SRF: variants seen among roughly 807,000 people sequenced by gnomAD.
SRF encodes the protein c-fos serum response element-binding transcription factor.
In SRF, 7 loss-of-function variants were observed where a neutral mutation model predicts 37.1. That is an observed-to-expected ratio of 0.19 (90% CI 0.11 to 0.35). SRF has a LOEUF of 0.35. Among genes scored for constraint, SRF ranks in the 10% least tolerant of loss-of-function variants. The pLI is 1.00. For missense variants in SRF, 395 were observed against 694.4 expected, an observed-to-expected ratio of 0.57 and a Z score of 4.85; for synonymous variants, 285 against 310.1, an observed-to-expected ratio of 0.92 and a Z score of 0.85.
rs1358015862 is a variant in SRF at position 43,172,193 on chromosome 6, G to A, written c.513+24G>A. On this transcript the variant is annotated intron_variant, in intron 1 of 6. Coordinates refer to ENST00000265354, the MANE Select transcript of SRF (RefSeq NM_003131.4). The surrounding 1 kb of genome is among the most constrained non-coding windows in gnomAD (Gnocchi z 5.7). The stretch of plus-strand genomic sequence containing the variant: ...AGGTACCAAGCCGGGGGGCTGGCCG[G>A]CCCCGGGGCCCGGTTGGGGTGGGGA... 1 of 1,599,604 alleles carries A rather than the reference G, an allele frequency of 6.3e-7. No individual in the cohort carries two copies. The highest frequency in any genetic ancestry group is 1.7e-5 in the Admixed American group (1 of 58,298).
At chr6:43,175,629 G>A in intron 2 of SRF, 77 bp from the exon 3 acceptor site, 2 of 1,585,434 alleles carry the variant, frequency 1.3e-6, no homozygotes, top group Non-Finnish European at 1.7e-6. Flanking sequence ...TTCAGTCTGG[G>A]TTCTCAGTCC....
rs1400091799 is a variant in SRF at position 43,173,180 on chromosome 6, A to T, written c.514-667A>T. On this transcript the variant is annotated intron_variant, in intron 1 of 6. Transcript: ENST00000265354. This position sits in a 1 kb window ranked among gnomAD's most constrained non-coding sequence, Gnocchi z 4.2. ...GCTCATGGCAGGATGTTTAGTGCTAATCTAGGTCTCGTCTCCCATCACTCC... is the reference window on the plus strand; with the variant it reads ...GCTCATGGCAGGATGTTTAGTGCTATTCTAGGTCTCGTCTCCCATCACTCC... 1.3e-5 allele frequency among the ~76,000 whole-genome samples: 2 copies of T among 152,122 alleles called. No homozygotes were observed. Among genetic ancestry groups the T allele is most frequent in the African/African-American group, 4.8e-5 (2 of 41,418 alleles).
In SRF at chr6:43,179,682, T is replaced by TG. The variant is rs1161346711; in HGVS notation, c.*497dup. ...CCCCTCAGGGGGCCAGCTGGGGAGATGGGGGCTTCTTCCTCACACTGCTGT... is the reference window on the plus strand; with the variant it reads ...CCCCTCAGGGGGCCAGCTGGGGAGATGGGGGGCTTCTTCCTCACACTGCTGT... On this transcript the variant is annotated 3_prime_UTR_variant, in exon 7 of 7. Coordinates refer to ENST00000265354, the MANE Select transcript of SRF (RefSeq NM_003131.4). This position sits in a 1 kb window ranked among gnomAD's most constrained non-coding sequence, Gnocchi z 5.3. The TG allele has an allele frequency of 5.6e-6, 1 of 179,988 alleles. No homozygotes were observed. The highest frequency in any genetic ancestry group is 1.4e-4 in the East Asian group (1 of 6,982). The allele number at this position is 179,988 out of a possible 1,614,324, so 11.1% of individuals were successfully genotyped here.
Position 43,174,086 on chromosome 6 carries a change from G to T in SRF, c.753G>T (p.Ser251=). The T allele has an allele frequency of 6.2e-7, 1 of 1,614,184 alleles. No individual in the cohort carries two copies. Among genetic ancestry groups the T allele is most frequent in the Admixed American group, 1.7e-5 (1 of 60,026 alleles). The change falls in exon 2 of 7, where the codon TCG becomes TCT. Residue 251 remains serine (S), a synonymous_variant. Coordinates refer to ENST00000265354, the MANE Select transcript of SRF (RefSeq NM_003131.4). The part of the protein sequence containing the change: ...FEETDLTYQV[S]ESDSSGETKD... ...AGACAGATCTCACCTACCAGGTGTC[G>T]GAGTCTGACAGCAGTGGGGAGACCA... is the stretch of plus-strand genomic sequence containing the variant.
At chr6:43,174,597 T>C (rs1479480352) in intron 2 of SRF, among the ~76,000 whole-genome samples, 1 of 152,204 alleles carries the variant, frequency 6.6e-6, no homozygotes, top group Non-Finnish European at 1.5e-5. Flanking sequence ...AGGGAGCGCA[T>C]TTGCCTGCTG....
chr6:43,177,390 T>C (rs1184888782), intron 4 of SRF, among the ~76,000 whole-genome samples: 1 of 151,406 alleles, frequency 6.6e-6, no homozygotes, highest in East Asian at 2.0e-4. Flanking sequence ...CCACCACACC[T>C]GGCTAATTTT....
rs762266039 is a variant in SRF at position 43,175,838 on chromosome 6, C to G, written c.913C>G (p.Pro305Ala). The change falls in exon 3 of 7, where the codon CCA becomes GCA. Residue 305 changes from proline (P) to alanine (A), a missense_variant. Around this residue, in one of 4 missense-constraint regions of SRF, gnomAD observed 232 missense variants for 335.6 expected, o/e 0.69. Coordinates refer to ENST00000265354, the MANE Select transcript of SRF (RefSeq NM_003131.4). ...PSFPITNYLAPVSASVSPSAV... is the reference protein window; with the variant it reads ...PSFPITNYLAAVSASVSPSAV... The stretch of plus-strand genomic sequence containing the variant: ...CTTTCCCATCACCAACTACCTGGCA[C>G]CAGTGTCTGCTAGTGTCAGCCCCAG... 2.5e-6 allele frequency: 4 copies of G among 1,614,226 alleles called. No homozygotes were observed. In the South Asian group the frequency reaches 4.4e-5, roughly 18 times the overall value.
chr6:43,178,732 A>T lies in SRF; in HGVS notation c.1355-74A>T, dbSNP rs1582257282. 6.6e-7 allele frequency: 1 copy of T among 1,516,334 alleles called. No individual in the cohort carries two copies. The highest frequency in any genetic ancestry group is 2.3e-5 in the East Asian group (1 of 44,310). The allele number at this position is 1,516,334 out of a possible 1,614,324, so 93.9% of individuals were successfully genotyped here. On this transcript the variant is annotated intron_variant, in intron 5 of 6. Coordinates refer to ENST00000265354, the MANE Select transcript of SRF (RefSeq NM_003131.4). The surrounding 1 kb of genome is among the most constrained non-coding windows in gnomAD (Gnocchi z 4.3). ...CTGAGACTGCCCCAGTCACTTGTGC[A>T]TTTGACACCACTCCTCCAATATCTG...
chr6:43,172,043 C>G lies in SRF; in HGVS notation c.387C>G (p.Gly129=). 1 of 1,602,872 alleles carries G rather than the reference C, an allele frequency of 6.2e-7. No homozygotes were observed. The highest frequency in any genetic ancestry group is 8.5e-7 in the Non-Finnish European group (1 of 1,175,634). Reference sequence around the variant, plus strand: ...CCGGGGGCTACGGGCCGGTGAGCGGCGCGGTGAGCGGGGCCAAGCCGGGTA... The same window carrying G: ...CCGGGGGCTACGGGCCGGTGAGCGGGGCGGTGAGCGGGGCCAAGCCGGGTA... ...AATGGYGPVS[G]AVSGAKPGKK... is the part of the protein sequence containing the mutation. Residue 129 remains glycine, a synonymous_variant, in exon 1 of 7, where the codon GGC becomes GGG. Transcript: ENST00000265354. The surrounding 1 kb of genome is among the most constrained non-coding windows in gnomAD (Gnocchi z 5.7).
At chr6:43,175,555 A>G in intron 2 of SRF, 151 bp from the exon 3 acceptor site, 2 of 992,950 alleles carry the variant, frequency 2.0e-6, no homozygotes, top group Non-Finnish European at 3.0e-6. Context: ...TAGATCAATA[A>G]CTTACCTAAG....
rs894803627 is a variant in SRF at position 43,171,404 on chromosome 6, C to T, written c.-253C>T. On this transcript the variant is annotated 5_prime_UTR_variant, in exon 1 of 7. Coordinates refer to ENST00000265354, the MANE Select transcript of SRF (RefSeq NM_003131.4). The surrounding 1 kb of genome is among the most constrained non-coding windows in gnomAD (Gnocchi z 6.5). The stretch of plus-strand genomic sequence containing the variant: ...CCCCCGGGGGACGCTGACGGCCGCC[C>T]GGCGCGCCGCCCTAGCAGACGGACA... The T allele has an allele frequency of 1.6e-5, 4 of 252,156 alleles. No individual in the cohort carries two copies. The highest frequency in any genetic ancestry group is 2.9e-5 in the Non-Finnish European group (4 of 137,376). 15.6% of individuals were successfully genotyped at this position (252,156 alleles called of 1,614,324 possible).
Position 43,179,977 on chromosome 6 carries a change from T to G in SRF, c.*787T>G, listed in dbSNP as rs1356629535. ...TATTTAACTTTTTTTTATGGCGTTT[T>G]TCTCGTCCCCCTCCCTGCCCAAACT... On this transcript the variant is annotated 3_prime_UTR_variant, in exon 7 of 7. Coordinates refer to ENST00000265354, the MANE Select transcript of SRF (RefSeq NM_003131.4). This position sits in a 1 kb window ranked among gnomAD's most constrained non-coding sequence, Gnocchi z 5.3. 6.6e-6 allele frequency: 1 copy of G among 152,148 alleles called. No individual in the cohort carries two copies. The highest frequency in any genetic ancestry group is 1.5e-5 in the Non-Finnish European group (1 of 68,022). The allele number at this position is 152,148 out of a possible 1,614,324, so 9.4% of individuals were successfully genotyped here.
At position 43,179,214 on chromosome 6, in the gene SRF, G is replaced by A; in HGVS notation, c.*24G>A. The A allele has an allele frequency of 1.2e-6, 2 of 1,612,336 alleles. No individual in the cohort carries two copies. The highest frequency in any genetic ancestry group is 1.7e-6 in the Non-Finnish European group (2 of 1,178,432). On this transcript the variant is annotated 3_prime_UTR_variant, in exon 7 of 7. Coordinates refer to ENST00000265354, the MANE Select transcript of SRF (RefSeq NM_003131.4). The surrounding 1 kb of genome is among the most constrained non-coding windows in gnomAD (Gnocchi z 5.3). Reference sequence around the variant, plus strand: ...GATCCGCCCGCCGCCCTGGACAGATGGCCCAAGGGATGGCACCACTTATTT... The same window carrying A: ...GATCCGCCCGCCGCCCTGGACAGATAGCCCAAGGGATGGCACCACTTATTT...
chr6:43,176,683 C>G lies in SRF; in HGVS notation c.1162+16C>G. ...AGCGGGACAGGTATAGCTCGCAGCC[C>G]TGTCACCCTCCCTCCCTGCCTTCCC... is the stretch of plus-strand genomic sequence containing the variant. On this transcript the variant is annotated intron_variant, in intron 4 of 6. Transcript: ENST00000265354. The surrounding 1 kb of genome is among the most constrained non-coding windows in gnomAD (Gnocchi z 4.0). The G allele has an allele frequency of 4.3e-6, 7 of 1,611,308 alleles. No individual in the cohort carries two copies. Among genetic ancestry groups the G allele is most frequent in the Non-Finnish European group, 5.9e-6 (7 of 1,177,836 alleles).
Position 43,175,808 on chromosome 6 carries a change from C to G in SRF, c.883C>G (p.Pro295Ala). 6.2e-7 allele frequency: 1 copy of G among 1,614,236 alleles called. No individual in the cohort carries two copies. The highest frequency in any genetic ancestry group is 8.5e-7 in the Non-Finnish European group (1 of 1,180,032). ...TACCACCATGCAAGTCAGCAGCGGC[C>G]CCTCCTTTCCCATCACCAACTACCT... ...TSTTMQVSSG[P>A]SFPITNYLAP... is the part of the protein sequence containing the mutation. Residue 295 changes from proline (P) to alanine (A), a missense_variant, in exon 3 of 7, where the codon CCC becomes GCC. By Grantham distance (27) the Pro-to-Ala change is conservative. Around this residue, in one of 4 missense-constraint regions of SRF, gnomAD observed 232 missense variants for 335.6 expected, o/e 0.69. Transcript: ENST00000265354.
Position 43,179,412 on chromosome 6 carries a change from A to C in SRF, c.*222A>C. 1 of 574,730 alleles carries C rather than the reference A, an allele frequency of 1.7e-6. No individual in the cohort carries two copies. Among genetic ancestry groups the C allele is most frequent in the Non-Finnish European group, 3.1e-6 (1 of 320,970 alleles). The allele number at this position is 574,730 out of a possible 1,614,324, so 35.6% of individuals were successfully genotyped here. On this transcript the variant is annotated 3_prime_UTR_variant, in exon 7 of 7. Transcript: ENST00000265354. This position sits in a 1 kb window ranked among gnomAD's most constrained non-coding sequence, Gnocchi z 5.3. ...TCCCCTTCTTCCCGCCCCACCTCCC[A>C]TTTCTGTTGCTGGAGGGGCTGTCCT...
At chr6:43,177,228 G>GTTTTTTTTGT (rs1772214917) in intron 4 of SRF, among the ~76,000 whole-genome samples, 11 of 116,848 alleles carry the variant, frequency 9.4e-5, no homozygotes. Flanking sequence ...ATCGGAGTCT[G>GTTTTTTTTGT]TTTTTTTTTT....
In SRF at chr6:43,172,004, G is replaced by T; in HGVS notation, c.348G>T (p.Ala116=). 1.3e-6 allele frequency: 2 copies of T among 1,577,408 alleles called. No homozygotes were observed. Among genetic ancestry groups the T allele is most frequent in the Non-Finnish European group, 8.6e-7 (1 of 1,163,260 alleles). ...GTATGGTGGTCGGTGGGCCCGAGGC[G>T]TCGGCAGCGGCCACCGGGGGCTACG... ...EIGMVVGGPE[A]SAAATGGYGP... Residue 116 remains alanine (A), a synonymous_variant, in exon 1 of 7, where the codon GCG becomes GCT. Transcript: ENST00000265354. This position sits in a 1 kb window ranked among gnomAD's most constrained non-coding sequence, Gnocchi z 5.7.
At position 43,178,466 on chromosome 6, in the gene SRF, C is replaced by T. The variant is rs1042054793; in HGVS notation, c.1335C>T (p.His445=). Residue 445 remains histidine (H), a synonymous_variant, in exon 5 of 7, where the codon CAC becomes CAT. Coordinates refer to ENST00000265354, the MANE Select transcript of SRF (RefSeq NM_003131.4). The surrounding 1 kb of genome is among the most constrained non-coding windows in gnomAD (Gnocchi z 4.3). ...CACCATCCACCATGCAGGTGTCACA[C>T]AGCCAGGTCCAGGAGCCAGGTGAGT... The part of the protein sequence containing the change: ...SQAPSTMQVS[H]SQVQEPGGVP... 2.5e-6 allele frequency: 4 copies of T among 1,613,466 alleles called. No homozygotes were observed. In the African/African-American group the frequency reaches 4.0e-5, roughly 16 times the overall value.
Sources: allele counts gnomAD v4.1 joint callset (sites outside exome capture counted in the v4.1 genomes callset), GRCh38; gene constraint gnomAD v4.1.1; regional missense constraint gnomAD v4.1.1; non-coding constraint Gnocchi (gnomAD v3.1); transcripts MANE v1.5; gene names NCBI Gene and HGNC (gene_info 2026-07-23, HGNC 2026-07-21).